The following VPS41 variants were observed in gnomAD, a reference collection of about 807,000 sequenced individuals.
VPS41 encodes the protein vacuolar protein sorting-associated protein 41 homolog.
In VPS41, 85 loss-of-function variants were observed where a neutral mutation model predicts 130.9. That is an observed-to-expected ratio of 0.65 (90% CI 0.55 to 0.78). The LOEUF is 0.78. Among genes scored for constraint, VPS41 ranks in the 30% least tolerant of loss-of-function variants. VPS41 has a pLI of 0.00. For missense variants in VPS41, 874 were observed against 1,018.7 expected (o/e 0.86, Z 1.93); for synonymous variants, 335 against 332.9 (o/e 1.01, Z -0.07).
chr7:38,892,878 A>G (rs1423956350), intron 2 of VPS41, among the ~76,000 whole-genome samples: 1 of 152,094 alleles, frequency 6.6e-6, no homozygotes, highest in Non-Finnish European at 1.5e-5. Flanking sequence ...CGTCTCTTCC[A>G]CACTATCCTA....
chr7:38,802,129 C>T (rs909629877), intron 7 of VPS41, among the ~76,000 whole-genome samples: 5 of 152,204 alleles, frequency 3.3e-5, no homozygotes, highest in African/African-American at 1.2e-4. Context: ...AATTTGAAAG[C>T]TGCTTTTAAG....
Position 38,741,398 on chromosome 7 carries a change from A to G in VPS41, c.2259+587T>C, listed in dbSNP as rs531214264. 4.5e-4 allele frequency: 134 copies of G among 296,576 alleles called. 3 individuals are homozygous for G. Among genetic ancestry groups the G allele is most frequent in the South Asian group, 3.4e-4 (10 of 29,770 alleles). The allele number at this position is 296,576 out of a possible 1,614,324, so 18.4% of individuals were successfully genotyped here. ...GATTAAGATGCTTTGTAATTAGTAT[A>G]ATAATTTATATGAAAATAATGAGTT... On this transcript the variant is annotated intron_variant, in intron 25 of 28. Coordinates refer to ENST00000310301, the MANE Select transcript of VPS41 (RefSeq NM_014396.4).
intron 1 of VPS41, among the ~76,000 whole-genome samples, chr7:38,900,394 G>A (rs140531217): frequency 5.9e-4 from 90 of 152,014 alleles, no homozygotes; most frequent in African/African-American, 2.0e-3. Context: ...GGCAGACCAC[G>A]GAGACTGGGA....
rs1259354023 is a variant in VPS41, at chr7:38,771,344, G to C, written c.1129-90C>G. 5.5e-6 allele frequency: 5 copies of C among 907,100 alleles called. No homozygotes were observed. The Admixed American group carries it at 8.7e-5, about 16-fold the overall frequency. 56.2% of individuals were successfully genotyped at this position (907,100 alleles called of 1,614,324 possible). ...GGAGAAGGTGGGAGAGAAAGATATT[G>C]AGGTTATAAACACTATAGTTATTAT... On this transcript the variant is annotated intron_variant, in intron 13 of 28. Coordinates refer to ENST00000310301, the MANE Select transcript of VPS41 (RefSeq NM_014396.4).
intron 9 of VPS41, among the ~76,000 whole-genome samples, chr7:38,791,371 G>C (rs1784532327): frequency 6.6e-6 from 1 of 152,194 alleles, no homozygotes; most frequent in South Asian, 2.1e-4. Context: ...TAATAAAAAA[G>C]CAAATGTATC....
Position 38,728,586 on chromosome 7 carries a change from T to C in VPS41, c.2360A>G (p.Glu787Gly), listed in dbSNP as rs752422976. 76 of 1,614,084 alleles carry C rather than the reference T, an allele frequency of 4.7e-5. No homozygotes were observed. The East Asian group carries it at 1.6e-3, about 35-fold the overall frequency. The part of the protein sequence containing the change: ...RTQMKGVLVD[E>G]ENICESCLSP... ...AAGGCACGACTCACAGATGTTCTCCTCTGTAAGAAAACACACATACTTTGG... is the reference window on the plus strand; with the variant it reads ...AAGGCACGACTCACAGATGTTCTCCCCTGTAAGAAAACACACATACTTTGG... The change falls in exon 27 of 29, where the codon GAG (glutamate) becomes GGG (glycine). Residue 787 changes from glutamate to glycine, a missense_variant and splice_region_variant. Glu to Gly is a moderately conservative substitution (Grantham distance 98). Transcript: ENST00000310301.
chr7:38,776,944 C>T (rs567621505), intron 10 of VPS41, among the ~76,000 whole-genome samples, 168 bp from the exon 11 acceptor site: 21 of 152,298 alleles, frequency 1.4e-4, no homozygotes, highest in South Asian at 4.2e-4. Context: ...TGCTTCACAA[C>T]GATCAATCCT....
intron 4 of VPS41, among the ~76,000 whole-genome samples, chr7:38,837,804 T>G: frequency 6.6e-6 from 1 of 152,250 alleles, no homozygotes; most frequent in East Asian, 1.9e-4. Context: ...ATTGGTTATA[T>G]CTGAGTGCTA....
rs749021350 is a variant in VPS41 at position 38,726,170 on chromosome 7, G to A, written c.*76C>T. ...AAACAAATCTCTTAACAGCACGAGT[G>A]TCAACAAATGCTTTTGTTGTTGCAA... On this transcript the variant is annotated 3_prime_UTR_variant, in exon 29 of 29. Transcript: ENST00000310301. 1 of 976,730 alleles carries A rather than the reference G, an allele frequency of 1.0e-6. No individual in the cohort carries two copies. Among genetic ancestry groups the A allele is most frequent in the South Asian group, 1.3e-5 (1 of 75,566 alleles). 60.5% of individuals were successfully genotyped at this position (976,730 alleles called of 1,614,324 possible).
At chr7:38,875,016 AGAG>A (rs1786457006) in intron 2 of VPS41, among the ~76,000 whole-genome samples, 1 of 152,186 alleles carries the variant, frequency 6.6e-6, no homozygotes, top group South Asian at 2.1e-4. Context: ...ATTACTATTA[AGAG>A]GAGAGAATAG....
intron 1 of VPS41, among the ~76,000 whole-genome samples, 196 bp from the exon 2 acceptor site, chr7:38,898,325 C>A (rs1787058598): frequency 6.6e-6 from 1 of 152,172 alleles, no homozygotes; most frequent in African/African-American, 2.4e-5. Context: ...GCAGGCAGAT[C>A]CTGCTGCTCT....
chr7:38,859,820 AT>A (rs1786064962), intron 4 of VPS41, among the ~76,000 whole-genome samples: 1 of 152,340 alleles, frequency 6.6e-6, no homozygotes, highest in Non-Finnish European at 1.5e-5. Context: ...GGAATCTAAG[AT>A]TTTATAAGAA....
chr7:38,741,852 T>A (rs958839999), intron 25 of VPS41, 133 bp downstream of exon 25: 3 of 996,794 alleles, frequency 3.0e-6, no homozygotes, highest in Non-Finnish European at 4.4e-6. Context: ...GTTTTCTAAA[T>A]ATCTGGGCCT....
At position 38,844,037 on chromosome 7, in the gene VPS41, G is replaced by A. The variant is rs145118423; in HGVS notation, c.247-13709C>T. 3.4e-4 allele frequency among the ~76,000 whole-genome samples: 52 copies of A among 152,250 alleles called. No homozygotes were observed. In the East Asian group the frequency reaches 9.6e-3, roughly 28 times the overall value. On this transcript the variant is annotated intron_variant, in intron 4 of 28. Coordinates refer to ENST00000310301, the MANE Select transcript of VPS41 (RefSeq NM_014396.4). ...GTATAAGCAATGCTGCTTTCTAAGC[G>A]AAAGGTATTTATTTAAGTTACATAG...
intron 25 of VPS41, among the ~76,000 whole-genome samples, chr7:38,732,337 G>A (rs996205251): frequency 6.6e-6 from 1 of 152,168 alleles, no homozygotes; most frequent in Non-Finnish European, 1.5e-5. Flanking sequence ...CATGGAGTAG[G>A]TGTATGTTTA....
intron 11 of VPS41, chr7:38,775,302 A>G (rs1164812306): frequency 6.6e-6 from 1 of 152,204 alleles, no homozygotes; most frequent in East Asian, 1.9e-4. Context: ...AACATGTTCC[A>G]GTCATCTCCA....
intron 19 of VPS41, 90 bp from the exon 20 acceptor site, chr7:38,755,026 C>G: frequency 8.3e-7 from 1 of 1,208,046 alleles, no homozygotes; most frequent in Non-Finnish European, 1.2e-6. Flanking sequence ...CCACAGTTCA[C>G]AGGTGGAAGG....
intron 4 of VPS41, among the ~76,000 whole-genome samples, chr7:38,833,643 C>T (rs1199123806): frequency 6.6e-6 from 1 of 152,178 alleles, no homozygotes. Context: ...CATAACTCCT[C>T]ATTGCTTTTG....
chr7:38,753,269 T>C (rs949250179), intron 21 of VPS41, among the ~76,000 whole-genome samples: 3 of 152,130 alleles, frequency 2.0e-5, no homozygotes, highest in African/African-American at 7.2e-5. Flanking sequence ...AGACTGTAAA[T>C]GCGCTGATGT....
Sources: allele counts gnomAD v4.1 joint callset (sites outside exome capture counted in the v4.1 genomes callset), GRCh38; gene constraint gnomAD v4.1.1; transcripts MANE v1.5; gene names NCBI Gene and HGNC (gene_info 2026-07-23, HGNC 2026-07-21).